Variants in CRTC3 observed in about 807,000 individuals in gnomAD.
CRTC3 encodes CREB regulated transcription coactivator 3.
In CRTC3, 26 loss-of-function variants were observed where a neutral mutation model predicts 74.5. That is an observed-to-expected ratio of 0.35 (90% CI 0.26 to 0.48). The LOEUF is 0.48. Ranked by LOEUF, CRTC3 falls within the 20% of genes least tolerant of loss-of-function variation. The pLI is 0.99. For synonymous variants in CRTC3, 377 were observed against 325.8 expected, an observed-to-expected ratio of 1.16 and a Z score of -1.69; for missense variants, 760 against 787.3, an observed-to-expected ratio of 0.97 and a Z score of 0.41.
In CRTC3 at chr15:90,552,196, C is replaced by T. The variant is rs1018714870; in HGVS notation, c.231+12059C>T. Among the ~76,000 whole-genome samples, 3 of 152,230 alleles carry T rather than the reference C, an allele frequency of 2.0e-5. 1 individual carries two copies. Among genetic ancestry groups the T allele is most frequent in the African/African-American group, 7.2e-5 (3 of 41,462 alleles). On this transcript the variant is annotated intron_variant, in intron 2 of 14. Transcript: ENST00000268184. ...AAGAAATTGGCCCTTCCACAGAAGTCAGCAGCCCAGTTAGTCCTCGTTTAA... is the reference window on the plus strand; with the variant it reads ...AAGAAATTGGCCCTTCCACAGAAGTTAGCAGCCCAGTTAGTCCTCGTTTAA...
chr15:90,558,391 C>G (rs548868404), intron 2 of CRTC3, among the ~76,000 whole-genome samples: 103 of 152,192 alleles, frequency 6.8e-4, no homozygotes, highest in African/African-American at 2.4e-3. Context: ...AGCGGCTTCC[C>G]GTTTCTCTCA....
chr15:90,638,947 G>C, intron 13 of CRTC3, 132 bp downstream of exon 13: 1 of 769,730 alleles, frequency 1.3e-6, no homozygotes, highest in Non-Finnish European at 2.2e-6. Context: ...TCTGTGGCTA[G>C]AAGAGCCTTT....
intron 11 of CRTC3, among the ~76,000 whole-genome samples, chr15:90,631,358 C>T (rs1316898600): frequency 6.6e-6 from 1 of 152,162 alleles, no homozygotes; most frequent in Non-Finnish European, 1.5e-5. Flanking sequence ...CCTGCCTCAG[C>T]TGGGATTCTT....
intron 3 of CRTC3, among the ~76,000 whole-genome samples, chr15:90,601,930 G>C (rs368073577): frequency 6.6e-6 from 1 of 152,128 alleles, no homozygotes; most frequent in African/African-American, 2.4e-5. Context: ...TTCTGTTTGC[G>C]TCGTGAGCCG....
Position 90,625,971 on chromosome 15 carries a change from C to T in CRTC3, c.945C>T (p.His315=). 1 of 1,614,088 alleles carries T rather than the reference C, an allele frequency of 6.2e-7. No individual in the cohort carries two copies. The highest frequency in any genetic ancestry group is 8.5e-7 in the Non-Finnish European group (1 of 1,179,904). Reference sequence around the variant, plus strand: ...ACAACATCCCAGCTGCTATGACCCACCTGGGTATAAGAAGCTCCTCTGGTG... The same window carrying T: ...ACAACATCCCAGCTGCTATGACCCATCTGGGTATAAGAAGCTCCTCTGGTG... ...SVNNIPAAMT[H]LGIRSSSGLQ... Residue 315 remains histidine, a synonymous_variant, in exon 10 of 15, where the codon CAC becomes CAT. Coordinates refer to ENST00000268184, the MANE Select transcript of CRTC3 (RefSeq NM_022769.5).
intron 4 of CRTC3, among the ~76,000 whole-genome samples, chr15:90,603,877 G>A (rs1307269177): frequency 4.6e-5 from 7 of 152,136 alleles, no homozygotes; most frequent in Admixed American, 4.6e-4. Context: ...GGGATCCAGG[G>A]TTGTAGAATA....
At chr15:90,576,950 G>A (rs962761672) in intron 2 of CRTC3, among the ~76,000 whole-genome samples, 6 of 152,184 alleles carry the variant, frequency 3.9e-5, no homozygotes, top group African/African-American at 1.4e-4. Context: ...AGGAGGAATA[G>A]GATGATGCAG....
At chr15:90,579,309 C>A (rs184928006) in intron 2 of CRTC3, among the ~76,000 whole-genome samples, 1 of 152,152 alleles carries the variant, frequency 6.6e-6, no homozygotes, top group Non-Finnish European at 1.5e-5. Context: ...AATCCCCCTG[C>A]GTACTGAGGG....
At chr15:90,606,621 A>G (rs1298448419) in intron 5 of CRTC3, among the ~76,000 whole-genome samples, 1 of 152,230 alleles carries the variant, frequency 6.6e-6, no homozygotes, top group Non-Finnish European at 1.5e-5. Flanking sequence ...GTATTTGTTT[A>G]TGTGAGAATA....
chr15:90,644,431 C>T lies in CRTC3; in HGVS notation c.*2291C>T, dbSNP rs1021736803. The T allele has an allele frequency of 3.5e-5, 8 of 231,400 alleles. No homozygotes were observed. The highest frequency in any genetic ancestry group is 6.1e-5 in the East Asian group (1 of 16,402). 14.3% of individuals were successfully genotyped at this position (231,400 alleles called of 1,614,324 possible). A position where few individuals can be genotyped will look rare whatever the true frequency, so the allele number is the denominator to read the frequency against. ...CCTTACCCATGGGTATCGTCATATC[C>T]GGGTCCCAGTTCAGTTTGTCTGCAC... On this transcript the variant is annotated 3_prime_UTR_variant, in exon 15 of 15. Coordinates refer to ENST00000268184, the MANE Select transcript of CRTC3 (RefSeq NM_022769.5).
intron 2 of CRTC3, among the ~76,000 whole-genome samples, chr15:90,584,406 C>T (rs1468105831): frequency 6.6e-6 from 1 of 151,978 alleles, no homozygotes; most frequent in African/African-American, 2.4e-5. Context: ...CTTGGCTAAT[C>T]TTGTATTTTT....
intron 9 of CRTC3, among the ~76,000 whole-genome samples, chr15:90,624,425 C>G (rs1596135727): frequency 6.6e-6 from 1 of 152,124 alleles, no homozygotes; most frequent in East Asian, 1.9e-4. Context: ...GATCCAGACT[C>G]CTGAGAACAG....
At chr15:90,575,054 C>T (rs981454659) in intron 2 of CRTC3, among the ~76,000 whole-genome samples, 1 of 151,946 alleles carries the variant, frequency 6.6e-6, no homozygotes, top group African/African-American at 2.4e-5. Context: ...TTTCATGTAT[C>T]AAAAGTTAAT....
At chr15:90,549,248 C>G (rs1257726227) in intron 2 of CRTC3, among the ~76,000 whole-genome samples, 1 of 151,642 alleles carries the variant, frequency 6.6e-6, no homozygotes, top group African/African-American at 2.4e-5. Context: ...GTTTCACTGC[C>G]CCCTTATTGT....
In CRTC3 at chr15:90,638,640, G is replaced by A. The variant is rs577071454; in HGVS notation, c.1461G>A (p.Pro487=). Residue 487 remains proline (P), a synonymous_variant, in exon 12 of 15, where the codon CCG becomes CCA. Transcript: ENST00000268184. ...SLPQSDFQLL[P]AQGSSLTNFF... is the part of the protein sequence containing the mutation. The stretch of plus-strand genomic sequence containing the variant: ...CACAGTCAGACTTTCAGCTTCTCCC[G>A]GCCCAGGTGAGTTCTGGCAGGAGCG... The A allele has an allele frequency of 1.4e-5, 23 of 1,613,654 alleles. No individual in the cohort carries two copies. Among genetic ancestry groups the A allele is most frequent in the Admixed American group, 5.0e-5 (3 of 60,008 alleles).
chr15:90,602,428 T>C, intron 4 of CRTC3, 43 bp downstream of exon 4: 1 of 1,048,692 alleles, frequency 9.5e-7, no homozygotes, highest in East Asian at 2.4e-5. Context: ...GCATGTGTTA[T>C]TTTTAGATAA....
At chr15:90,574,041 A>T (rs7166684) in intron 2 of CRTC3, among the ~76,000 whole-genome samples, 4,968 of 152,290 alleles carry the variant, frequency 0.033, 295 homozygotes, top group African/African-American at 0.11. Flanking sequence ...CATCTTGGAG[A>T]TCTTCCCATG....
intron 11 of CRTC3, among the ~76,000 whole-genome samples, chr15:90,632,484 A>C (rs1490641205): frequency 1.3e-5 from 2 of 152,208 alleles, no homozygotes; most frequent in Non-Finnish European, 1.5e-5. Context: ...ACATAGTTTA[A>C]AAAGTAAAAT....
intron 2 of CRTC3, among the ~76,000 whole-genome samples, chr15:90,558,735 T>C (rs941321451): frequency 2.6e-5 from 4 of 151,116 alleles, no homozygotes; most frequent in African/African-American, 4.9e-5. Context: ...CAGTATACTA[T>C]ATATATATAT....
Sources: allele counts gnomAD v4.1 joint callset (sites outside exome capture counted in the v4.1 genomes callset), GRCh38; gene constraint gnomAD v4.1.1; transcripts MANE v1.5; gene names NCBI Gene and HGNC (gene_info 2026-07-23, HGNC 2026-07-21).